The following IL22RA2 variants were observed in gnomAD, a reference collection of about 807,000 sequenced individuals.
The protein encoded by IL22RA2 is interleukin-22 receptor subunit alpha-2.
Under a neutral mutation model 30.7 loss-of-function variants are expected in IL22RA2, and 39 were observed. The ratio of observed to expected loss-of-function variants is 1.27; its 90% CI spans 0.98 to 1.66. The LOEUF (loss-of-function observed/expected upper bound fraction) is 1.66, where lower values mean the gene tolerates loss of function less well. Among genes scored for constraint, IL22RA2 ranks in the 40% most tolerant of loss-of-function variants. IL22RA2 has a pLI of 0.00. For missense variants in IL22RA2, 315 were observed against 312.7 expected (o/e 1.01, Z -0.05); for synonymous variants, 103 against 105.0 (o/e 0.98, Z 0.11).
intron 5 of IL22RA2, among the ~76,000 whole-genome samples, chr6:137,153,381 C>A (rs182379720): frequency 6.6e-6 from 1 of 152,180 alleles, no homozygotes; most frequent in Admixed American, 6.5e-5. Flanking sequence ...GGTAAATGCT[C>A]CAATTGGTAA....
chr6:137,145,932 G>A (rs1004493165), intron 6 of IL22RA2, among the ~76,000 whole-genome samples, 159 bp from the exon 7 acceptor site: 13 of 152,192 alleles, frequency 8.5e-5, no homozygotes, highest in Non-Finnish European at 1.9e-4. Flanking sequence ...CTAGGCCATA[G>A]CCTGGTAAAG....
In IL22RA2 at chr6:137,158,386, A is replaced by T. The variant is rs772229715; in HGVS notation, c.158T>A (p.Leu53His). The change falls in exon 3 of 7, where the codon CTT becomes CAT. Residue 53 changes from leucine (L) to histidine (H), a missense_variant. Physicochemically the swap from Leu to His is moderately conservative, Grantham distance 99. Transcript: ENST00000296980. ...AAAATAGACACTGCTGTTGCCAGTA[A>T]GTGCCCTCCCAGGCTGCCATTGCAA... ...NILQWQPGRALTGNSSVYFVQ... is the reference protein window; with the variant it reads ...NILQWQPGRAHTGNSSVYFVQ... The T allele has an allele frequency of 6.3e-5, 101 of 1,614,078 alleles. No individual in the cohort carries two copies. The highest frequency in any genetic ancestry group is 8.1e-5 in the Non-Finnish European group (95 of 1,180,018).
rs879871799 is a variant in IL22RA2 at position 137,156,684 on chromosome 6, T to C, written c.293+75A>G. 1.3e-4 allele frequency: 201 copies of C among 1,562,228 alleles called. 1 individual carries two copies. Among genetic ancestry groups the C allele is most frequent in the Middle Eastern group, 8.7e-4 (5 of 5,762 alleles). On this transcript the variant is annotated intron_variant, in intron 4 of 6. Transcript: ENST00000296980. ...CAGGTATTCTGGGGTCTGAAATTTA[T>C]ACAATCTTGGTCCATTTAATGTTTC...
intron 5 of IL22RA2, among the ~76,000 whole-genome samples, chr6:137,152,678 T>G (rs1219293375): frequency 1.3e-5 from 2 of 152,216 alleles, no homozygotes; most frequent in Non-Finnish European, 2.9e-5. Context: ...ACCATTAAAC[T>G]GTATGCTATA....
At chr6:137,168,846 C>T (rs866920591) in intron 1 of IL22RA2, among the ~76,000 whole-genome samples, 1 of 152,186 alleles carries the variant, frequency 6.6e-6, no homozygotes, top group African/African-American at 2.4e-5. Flanking sequence ...GACTCAAGTT[C>T]AACTTAGCCC....
intron 5 of IL22RA2, among the ~76,000 whole-genome samples, chr6:137,151,243 T>C (rs1175212736): frequency 1.3e-5 from 2 of 152,174 alleles, no homozygotes; most frequent in Non-Finnish European, 2.9e-5. Context: ...TAGAATAGAA[T>C]TGAGAGTCTG....
chr6:137,160,208 C>A (rs1216119281), intron 2 of IL22RA2, among the ~76,000 whole-genome samples: 1 of 152,190 alleles, frequency 6.6e-6, no homozygotes, highest in East Asian at 1.9e-4. Context: ...TGGCTTAATG[C>A]CCTTAATCTC....
At chr6:137,165,995 G>C (rs1778618865) in intron 1 of IL22RA2, among the ~76,000 whole-genome samples, 1 of 152,334 alleles carries the variant, frequency 6.6e-6, no homozygotes, top group Admixed American at 6.5e-5. Context: ...GCTGCTGATA[G>C]AATGGGCGGA....
chr6:137,169,966 C>T (rs1778697778), intron 1 of IL22RA2, among the ~76,000 whole-genome samples: 1 of 152,222 alleles, frequency 6.6e-6, no homozygotes. Flanking sequence ...CCCGAGTTCA[C>T]TCTTTGGAGG....
Position 137,158,418 on chromosome 6 carries a change from G to T in IL22RA2, c.126C>A (p.His42Gln). 1 of 1,614,138 alleles carries T rather than the reference G, an allele frequency of 6.2e-7. No homozygotes were observed. Among genetic ancestry groups the T allele is most frequent in the Non-Finnish European group, 8.5e-7 (1 of 1,179,990 alleles). Reference sequence around the variant, plus strand: ...TCCCAGGCTGCCATTGCAAAATGTTGTGAAAATTTCGGGACTGAAATTGTA... The same window carrying T: ...TCCCAGGCTGCCATTGCAAAATGTTTTGAAAATTTCGGGACTGAAATTGTA... ...QRVQFQSRNF[H>Q]NILQWQPGRA... Residue 42 changes from histidine to glutamine, a missense_variant, in exon 3 of 7, where the codon CAC (histidine) becomes CAA (glutamine). Coordinates refer to ENST00000296980, the MANE Select transcript of IL22RA2 (RefSeq NM_052962.3).
chr6:137,144,523 T>G lies in IL22RA2; in HGVS notation c.*1101A>C, dbSNP rs1278970149. On this transcript the variant is annotated 3_prime_UTR_variant, in exon 7 of 7. Coordinates refer to ENST00000296980, the MANE Select transcript of IL22RA2 (RefSeq NM_052962.3). ...GAAGGCAGCTTTCTGTTGACCACAC[T>G]GAGCCTTAGGTCACCAGATTTCTAC... The G allele has an allele frequency of 6.6e-6, 1 of 152,298 alleles. No homozygotes were observed. The highest frequency in any genetic ancestry group is 1.9e-4 in the East Asian group (1 of 5,204). 9.4% of individuals were successfully genotyped at this position (152,298 alleles called of 1,614,324 possible).
At chr6:137,170,207 G>C (rs1778703973) in intron 1 of IL22RA2, among the ~76,000 whole-genome samples, 1 of 152,206 alleles carries the variant, frequency 6.6e-6, no homozygotes, top group Admixed American at 6.5e-5. Context: ...GCTAACTGTG[G>C]TGCTCTTTAT....
intron 5 of IL22RA2, among the ~76,000 whole-genome samples, chr6:137,150,190 G>A (rs13217897): frequency 0.18 from 27,971 of 152,160 alleles, 2,815 homozygotes; most frequent in East Asian, 0.41. Context: ...AGGAGGCAAT[G>A]CATGCAGCTG....
chr6:137,168,760 G>T (rs1457016804), intron 1 of IL22RA2, among the ~76,000 whole-genome samples: 1 of 152,168 alleles, frequency 6.6e-6, no homozygotes, highest in Non-Finnish European at 1.5e-5. Context: ...GGGCATAAAG[G>T]ATTACTAACC....
rs529893592 is a variant in IL22RA2, at chr6:137,148,904, T to C, written c.473-1013A>G. ...TGATCTGTGATGCTAGATTTTGCAA[T>C]TGATTGCAAAATCAGTTTTGCAATC... On this transcript the variant is annotated intron_variant, in intron 5 of 6. Coordinates refer to ENST00000296980, the MANE Select transcript of IL22RA2 (RefSeq NM_052962.3). Among the ~76,000 whole-genome samples, 17 of 152,304 alleles carry C rather than the reference T, an allele frequency of 1.1e-4. No individual in the cohort carries two copies. The East Asian group carries it at 3.1e-3, about 28-fold the overall frequency.
chr6:137,172,822 T>C (rs920990802), intron 1 of IL22RA2, among the ~76,000 whole-genome samples: 2 of 152,356 alleles, frequency 1.3e-5, no homozygotes, highest in African/African-American at 4.8e-5. Context: ...AATTAAGGAA[T>C]CATTTTTCAT....
At chr6:137,159,680 G>A (rs963922070) in intron 2 of IL22RA2, among the ~76,000 whole-genome samples, 1 of 152,126 alleles carries the variant, frequency 6.6e-6, no homozygotes. Flanking sequence ...CGACCCCTGT[G>A]TTTGCAGTGT....
At chr6:137,156,902 C>T (rs760762021) in intron 3 of IL22RA2, 48 bp from the exon 4 acceptor site, 3 of 1,582,224 alleles carry the variant, frequency 1.9e-6, no homozygotes, top group Non-Finnish European at 2.6e-6. Context: ...AGGCCAAACT[C>T]AAGGGGCATC....
chr6:137,146,239 C>G (rs754190417), intron 6 of IL22RA2, among the ~76,000 whole-genome samples: 1 of 152,114 alleles, frequency 6.6e-6, no homozygotes, highest in Non-Finnish European at 1.5e-5. Flanking sequence ...ACCATGTTGA[C>G]CAGGCAGGTC....
Sources: allele counts gnomAD v4.1 joint callset (sites outside exome capture counted in the v4.1 genomes callset), GRCh38; gene constraint gnomAD v4.1.1; transcripts MANE v1.5; gene names NCBI Gene and HGNC (gene_info 2026-07-23, HGNC 2026-07-21).